Variants in SEMA6D observed in about 807,000 individuals in gnomAD.
SEMA6D encodes the protein semaphorin-6D.
A neutral mutation model predicts 106.6 loss-of-function variants in SEMA6D; 35 were observed. That is an observed-to-expected ratio of 0.33 (90% CI 0.25 to 0.44). The LOEUF is 0.44. Among genes scored for constraint, SEMA6D ranks in the 20% least tolerant of loss-of-function variants. The pLI is 1.00. For synonymous variants in SEMA6D, 499 were observed against 487.7 expected (o/e 1.02, Z -0.31); for missense variants, 1,185 against 1,345.9 (o/e 0.88, Z 1.87).
chr15:47,732,412 C>T (rs2080183132), intron 1 of SEMA6D, among the ~76,000 whole-genome samples: 1 of 152,152 alleles, frequency 6.6e-6, no homozygotes, highest in Non-Finnish European at 1.5e-5. Flanking sequence ...TCCAACAGAT[C>T]AAGAGACAAA....
intron 1 of SEMA6D, among the ~76,000 whole-genome samples, chr15:47,725,358 A>G (rs2079676782): frequency 6.6e-6 from 1 of 152,246 alleles, no homozygotes; most frequent in Admixed American, 6.5e-5. Flanking sequence ...GTAAACTGAA[A>G]GGAATGAGGT....
chr15:47,760,787 C>T (rs2082018979), intron 3 of SEMA6D, among the ~76,000 whole-genome samples, 191 bp from the exon 4 acceptor site: 1 of 152,176 alleles, frequency 6.6e-6, no homozygotes, highest in African/African-American at 2.4e-5. Context: ...GCTTTCTTTG[C>T]TCTCTGACTA....
chr15:47,542,597 T>A (rs1012099107), intron 3 of SEMA6D, among the ~76,000 whole-genome samples: 1 of 152,196 alleles, frequency 6.6e-6, no homozygotes, highest in East Asian at 1.9e-4. Context: ...ATTCCTACTT[T>A]GCTTCCCTAT....
chr15:47,257,060 C>CTTT (rs531171004), intron 1 of SEMA6D, among the ~76,000 whole-genome samples: 6 of 137,818 alleles, frequency 4.4e-5, no homozygotes, highest in Admixed American at 1.5e-4. Flanking sequence ...GAACAGAATT[C>CTTT]TTTTTTTTTT....
At chr15:47,569,768 TAA>T in intron 3 of SEMA6D, among the ~76,000 whole-genome samples, 1 of 152,178 alleles carries the variant, frequency 6.6e-6, no homozygotes, top group South Asian at 2.1e-4. Context: ...GATCATTTTA[TAA>T]GGATTTGAGG....
At chr15:47,476,624 A>C (rs2043007976) in intron 3 of SEMA6D, among the ~76,000 whole-genome samples, 1 of 152,132 alleles carries the variant, frequency 6.6e-6, no homozygotes, top group Non-Finnish European at 1.5e-5. Flanking sequence ...AATTGTTTAG[A>C]GACAAACACT....
chr15:47,383,257 C>T (rs2039705879), intron 1 of SEMA6D, among the ~76,000 whole-genome samples: 1 of 152,200 alleles, frequency 6.6e-6, no homozygotes, highest in Non-Finnish European at 1.5e-5. Flanking sequence ...CTTCATGCCT[C>T]AGCTCGTCTG....
At chr15:47,563,977 A>T (rs920265862) in intron 3 of SEMA6D, among the ~76,000 whole-genome samples, 3 of 152,214 alleles carry the variant, frequency 2.0e-5, no homozygotes, top group Admixed American at 1.3e-4. Context: ...CTGCAAGTGT[A>T]AATCTGTGAT....
chr15:47,486,355 T>C (rs186839522), intron 3 of SEMA6D, among the ~76,000 whole-genome samples: 1 of 152,328 alleles, frequency 6.6e-6, no homozygotes, highest in Admixed American at 6.5e-5. Context: ...GATTGAACTT[T>C]TGATGTTGAT....
intron 3 of SEMA6D, among the ~76,000 whole-genome samples, chr15:47,544,692 TAGAG>T (rs1005981428): frequency 1.9e-4 from 29 of 149,534 alleles, no homozygotes; most frequent in Admixed American, 5.4e-4. Flanking sequence ...ACTTTGGAAA[TAGAG>T]AGAAAAAGAA....
intron 1 of SEMA6D, among the ~76,000 whole-genome samples, chr15:47,722,365 T>A (rs1215010847): frequency 1.3e-5 from 2 of 152,214 alleles, no homozygotes; most frequent in Admixed American, 1.3e-4. Flanking sequence ...TTTGGTGAAC[T>A]GAGCAAGTTA....
At chr15:47,283,486 T>C (rs999214724) in intron 1 of SEMA6D, among the ~76,000 whole-genome samples, 2 of 152,180 alleles carry the variant, frequency 1.3e-5, no homozygotes, top group Non-Finnish European at 2.9e-5. Flanking sequence ...ACTCAATTCC[T>C]GCCACTTTTC....
At chr15:47,680,791 C>T (rs2078336683) in intron 4 of SEMA6D, among the ~76,000 whole-genome samples, 1 of 152,160 alleles carries the variant, frequency 6.6e-6, no homozygotes, top group African/African-American at 2.4e-5. Flanking sequence ...CTTGAATAGA[C>T]ATTTCACCAA....
intron 4 of SEMA6D, among the ~76,000 whole-genome samples, chr15:47,698,263 G>C (rs2078740374): frequency 6.6e-6 from 1 of 152,106 alleles, no homozygotes; most frequent in Admixed American, 6.6e-5. Context: ...TAGATGTTCT[G>C]CCACTCTATG....
At chr15:47,364,631 A>G (rs1271182211) in intron 1 of SEMA6D, among the ~76,000 whole-genome samples, 2 of 152,140 alleles carry the variant, frequency 1.3e-5, no homozygotes, top group East Asian at 3.9e-4. Context: ...ATCGCTTAAC[A>G]CTGTGAGTAG....
intron 1 of SEMA6D, among the ~76,000 whole-genome samples, chr15:47,720,843 T>C (rs1272322734): frequency 6.6e-6 from 1 of 152,238 alleles, no homozygotes; most frequent in African/African-American, 2.4e-5. Flanking sequence ...AATAGGGTCA[T>C]TTTTCACCCT....
chr15:47,229,863 T>A (rs532517845), intron 1 of SEMA6D, among the ~76,000 whole-genome samples: 6 of 152,212 alleles, frequency 3.9e-5, no homozygotes, highest in Admixed American at 2.0e-4. Flanking sequence ...ATTGAATGAA[T>A]GTTTGGTCAA....
At chr15:47,390,278 G>A (rs193256979) in intron 1 of SEMA6D, among the ~76,000 whole-genome samples, 6 of 152,248 alleles carry the variant, frequency 3.9e-5, no homozygotes, top group Admixed American at 3.3e-4. Flanking sequence ...GAGCAATAGA[G>A]TGAGCCCAAC....
intron 2 of SEMA6D, among the ~76,000 whole-genome samples, chr15:47,428,089 A>G (rs2041402710): frequency 6.6e-6 from 1 of 152,106 alleles, no homozygotes. Flanking sequence ...AAAAAATGTA[A>G]AAAAAGAGAG....
Sources: gnomAD v4.1 joint callset for allele counts (sites outside exome capture counted in the v4.1 genomes callset) on GRCh38, gnomAD v4.1.1 for gene constraint, MANE v1.5 for transcripts, NCBI Gene and HGNC (gene_info 2026-07-23, HGNC 2026-07-21) for gene names.